The following UNC5B variants were observed in gnomAD, a reference collection of about 807,000 sequenced individuals.
The protein encoded by UNC5B is netrin receptor UNC5B.
Under a neutral mutation model 103.7 loss-of-function variants are expected in UNC5B, and 56 were observed. That is an observed-to-expected ratio of 0.54 (90% CI 0.44 to 0.67). UNC5B has a LOEUF of 0.67. UNC5B is among the 30% of genes least tolerant of loss of function. The pLI, the probability that UNC5B is intolerant of heterozygous loss-of-function variation, is 0.00. For missense variants in UNC5B, 1,194 were observed against 1,284.5 expected (o/e 0.93, Z 1.08); for synonymous variants, 577 against 542.0 (o/e 1.06, Z -0.90).
intron 1 of UNC5B, among the ~76,000 whole-genome samples, chr10:71,227,084 A>C (rs1843580610): frequency 6.6e-6 from 1 of 151,776 alleles, no homozygotes; most frequent in Non-Finnish European, 1.5e-5. Flanking sequence ...TCCTGGGTTC[A>C]AGCAATTCTC....
intron 1 of UNC5B, among the ~76,000 whole-genome samples, chr10:71,266,620 A>G (rs1844529728): frequency 6.6e-6 from 1 of 152,152 alleles, no homozygotes; most frequent in South Asian, 2.1e-4. Flanking sequence ...GCTCTGTGTC[A>G]TCACAGAGTG....
Position 71,297,889 on chromosome 10 carries a change from C to T in UNC5B, c.2491-20C>T. 1 of 1,603,270 alleles carries T rather than the reference C, an allele frequency of 6.2e-7. No individual in the cohort carries two copies. Among genetic ancestry groups the T allele is most frequent in the Non-Finnish European group, 8.5e-7 (1 of 1,175,290 alleles). On this transcript the variant is annotated intron_variant, in intron 15 of 16. Transcript: ENST00000335350. ...TGCCCAGCACTGTGCCCCTCTCACT[C>T]TTGGCCCCCACCCTTGCAGACACCT...
chr10:71,293,478 C>T lies in UNC5B; in HGVS notation c.1846C>T (p.Arg616Cys), dbSNP rs151335269. 12 of 1,613,980 alleles carry T rather than the reference C, an allele frequency of 7.4e-6. No individual in the cohort carries two copies. The highest frequency in any genetic ancestry group is 6.7e-5 in the African/African-American group (5 of 74,926). Residue 616 changes from arginine (R) to cysteine (C), a missense_variant, in exon 12 of 17, where the codon CGC becomes TGC. Arg to Cys is a radical substitution (Grantham distance 180). Coordinates refer to ENST00000335350, the MANE Select transcript of UNC5B (RefSeq NM_170744.5). ...TCGPTGLLLC[R>C]PVILTMPHCA... ...TGGACCCACAGGCCTCCTGCTGTGC[C>T]GCCCCGTCATCCTCACCATGCCCCA... is the stretch of plus-strand genomic sequence containing the variant.
At chr10:71,280,195 A>C (rs576895986) in intron 2 of UNC5B, 150 bp downstream of exon 2, 1 of 831,816 alleles carries the variant, frequency 1.2e-6, no homozygotes, top group African/African-American at 1.7e-5. Flanking sequence ...TGACTTTGGG[A>C]CCATCTCCAC....
intron 1 of UNC5B, among the ~76,000 whole-genome samples, chr10:71,228,556 A>T (rs909440412): frequency 3.3e-5 from 5 of 152,268 alleles, no homozygotes; most frequent in African/African-American, 1.2e-4. Flanking sequence ...AGGTGGAAGA[A>T]AAAGACACGG....
At chr10:71,234,416 G>A (rs567867418) in intron 1 of UNC5B, among the ~76,000 whole-genome samples, 37 of 152,332 alleles carry the variant, frequency 2.4e-4, no homozygotes, top group Non-Finnish European at 4.7e-4. Flanking sequence ...GTACCCCATC[G>A]GAAAACCTGC....
At chr10:71,243,980 T>C (rs1009600150) in intron 1 of UNC5B, among the ~76,000 whole-genome samples, 1 of 152,198 alleles carries the variant, frequency 6.6e-6, no homozygotes, top group Non-Finnish European at 1.5e-5. Flanking sequence ...GTCACACAGC[T>C]GGTGTGTGGT....
At chr10:71,244,186 C>T (rs543952631) in intron 1 of UNC5B, among the ~76,000 whole-genome samples, 5 of 152,252 alleles carry the variant, frequency 3.3e-5, no homozygotes, top group Non-Finnish European at 7.3e-5. Context: ...CTGCACAACA[C>T]GCCCACAACA....
intron 1 of UNC5B, among the ~76,000 whole-genome samples, chr10:71,241,795 A>T (rs964621764): frequency 6.6e-6 from 1 of 152,106 alleles, no homozygotes; most frequent in African/African-American, 2.4e-5. Flanking sequence ...ACGCAGGATC[A>T]TCATGGTGCA....
chr10:71,217,486 G>C (rs1391016295), intron 1 of UNC5B: 5 of 152,158 alleles, frequency 3.3e-5, no homozygotes, highest in African/African-American at 9.7e-5. Flanking sequence ...CCCGGCGCTG[G>C]CCTCGGCCCC....
At chr10:71,235,075 G>A (rs956524153) in intron 1 of UNC5B, among the ~76,000 whole-genome samples, 1 of 144,172 alleles carries the variant, frequency 6.9e-6, no homozygotes, top group African/African-American at 2.5e-5. Context: ...TGCAGGACTC[G>A]CTGCCGCTGC....
At chr10:71,250,692 A>G (rs1199872453) in intron 1 of UNC5B, among the ~76,000 whole-genome samples, 1 of 152,222 alleles carries the variant, frequency 6.6e-6, no homozygotes, top group African/African-American at 2.4e-5. Context: ...GCACATGCCA[A>G]AACAGATCCA....
chr10:71,266,189 G>GT (rs1844518740), intron 1 of UNC5B, among the ~76,000 whole-genome samples: 1 of 152,158 alleles, frequency 6.6e-6, no homozygotes, highest in African/African-American at 2.4e-5. Context: ...TCCTGCAGCT[G>GT]TGAGGGGAAC....
chr10:71,241,021 A>G (rs1201446417), intron 1 of UNC5B, among the ~76,000 whole-genome samples: 1 of 152,228 alleles, frequency 6.6e-6, no homozygotes, highest in Admixed American at 6.5e-5. Flanking sequence ...CTGAGAGTCC[A>G]TCATCATGGT....
chr10:71,298,201 C>T (rs1845493839), intron 16 of UNC5B, 111 bp downstream of exon 16: 1 of 1,283,118 alleles, frequency 7.8e-7, no homozygotes, highest in Admixed American at 2.5e-5. Context: ...GACCAGCTGC[C>T]CTTTTGCCAC....
At chr10:71,238,464 G>A (rs12572571) in intron 1 of UNC5B, among the ~76,000 whole-genome samples, 10,960 of 152,170 alleles carry the variant, frequency 0.072, 735 homozygotes, top group East Asian at 0.18. Flanking sequence ...CTGAGGCCTC[G>A]ACTCCATGCT....
At chr10:71,235,762 A>G (rs901716624) in intron 1 of UNC5B, among the ~76,000 whole-genome samples, 1 of 152,218 alleles carries the variant, frequency 6.6e-6, no homozygotes, top group Non-Finnish European at 1.5e-5. Flanking sequence ...CTCCCCACCA[A>G]CTGGGCTTCA....
At chr10:71,286,279 C>G (rs1446428967) in intron 4 of UNC5B, among the ~76,000 whole-genome samples, 2 of 152,178 alleles carry the variant, frequency 1.3e-5, no homozygotes, top group African/African-American at 4.8e-5. Context: ...ACCTCCCAGG[C>G]TTTTCTTCCT....
At chr10:71,265,712 C>T (rs1485627270) in intron 1 of UNC5B, among the ~76,000 whole-genome samples, 1 of 152,192 alleles carries the variant, frequency 6.6e-6, no homozygotes, top group African/African-American at 2.4e-5. Context: ...AGGAGAGGCT[C>T]TGGGCCAGCC....
Sources: allele counts gnomAD v4.1 joint callset (sites outside exome capture counted in the v4.1 genomes callset), GRCh38; gene constraint gnomAD v4.1.1; transcripts MANE v1.5; gene names NCBI Gene and HGNC (gene_info 2026-07-23, HGNC 2026-07-21).